Variants in ARHGAP18 observed in about 807,000 individuals in gnomAD.
ARHGAP18 encodes rho GTPase-activating protein 18.
A neutral mutation model predicts 86.2 loss-of-function variants in ARHGAP18; 67 were observed. That is an observed-to-expected ratio of 0.78 (90% CI 0.64 to 0.95). ARHGAP18 has a LOEUF of 0.95. ARHGAP18 is among the 40% of genes least tolerant of loss of function. ARHGAP18 has a pLI of 0.00. For synonymous variants in ARHGAP18, 283 were observed against 280.4 expected (o/e 1.01, Z -0.09); for missense variants, 691 against 780.4 (o/e 0.89, Z 1.37).
chr6:129,634,162 T>C, intron 3 of ARHGAP18, 57 bp from the exon 4 acceptor site: 1 of 1,461,244 alleles, frequency 6.8e-7, no homozygotes, highest in Non-Finnish European at 9.5e-7. Context: ...GAGAAAATGG[T>C]ACTGTAAATA....
intron 1 of ARHGAP18, among the ~76,000 whole-genome samples, chr6:129,662,908 G>A (rs887354890): frequency 6.6e-6 from 1 of 152,180 alleles, no homozygotes; most frequent in Non-Finnish European, 1.5e-5. Context: ...CATTTGAAAT[G>A]TAAATGTTAA....
chr6:129,596,917 A>G (rs1376888747), intron 12 of ARHGAP18: 3 of 152,208 alleles, frequency 2.0e-5, no homozygotes, highest in Admixed American at 6.5e-5. Flanking sequence ...TCCATTTGTC[A>G]TTAAGACGGT....
At position 129,584,065 on chromosome 6, in the gene ARHGAP18, C is replaced by G; in HGVS notation, c.1761G>C (p.Ser587=). ...TTAGCTGTATTGCCATGGAAACTTTCGAAAGATGGGGAGCTTGCACTCGAA... is the reference window on the plus strand; with the variant it reads ...TTAGCTGTATTGCCATGGAAACTTTGGAAAGATGGGGAGCTTGCACTCGAA... The part of the protein sequence containing the change: ...GVIRVQAPHL[S]KVSMAIQLTE... The change falls in exon 13 of 15, where the codon TCG becomes TCC. Residue 587 remains serine, a synonymous_variant. Transcript: ENST00000368149. 6.2e-7 allele frequency: 1 copy of G among 1,613,690 alleles called. No homozygotes were observed. The highest frequency in any genetic ancestry group is 8.5e-7 in the Non-Finnish European group (1 of 1,179,816).
chr6:129,633,241 A>C (rs1483649067), intron 4 of ARHGAP18, among the ~76,000 whole-genome samples: 1 of 148,506 alleles, frequency 6.7e-6, no homozygotes, highest in Non-Finnish European at 1.5e-5. Flanking sequence ...CAGCCTCGCC[A>C]ACATGGTGAA....
chr6:129,703,305 G>A (rs1246144634), intron 1 of ARHGAP18, among the ~76,000 whole-genome samples: 1 of 152,170 alleles, frequency 6.6e-6, no homozygotes, highest in Non-Finnish European at 1.5e-5. Flanking sequence ...TGCATCAATT[G>A]TTACGAGTCT....
intron 10 of ARHGAP18, 83 bp downstream of exon 10, chr6:129,605,794 A>C: frequency 8.1e-7 from 1 of 1,239,658 alleles, no homozygotes; most frequent in Non-Finnish European, 1.2e-6. Flanking sequence ...TCCAAGATAC[A>C]CATCTTATTG....
intron 12 of ARHGAP18, among the ~76,000 whole-genome samples, chr6:129,591,833 T>C (rs1178173438): frequency 6.6e-6 from 1 of 152,216 alleles, no homozygotes; most frequent in East Asian, 1.9e-4. Context: ...ACACATATTT[T>C]AGAAAATTAA....
chr6:129,703,288 C>T (rs939188243), intron 1 of ARHGAP18, among the ~76,000 whole-genome samples: 1 of 152,232 alleles, frequency 6.6e-6, no homozygotes, highest in African/African-American at 2.4e-5. Flanking sequence ...TCATGTGCAT[C>T]ATTAAATGCA....
rs542755083 is a variant in ARHGAP18 at position 129,666,580 on chromosome 6, T to A, written c.114-24562A>T. Among the ~76,000 whole-genome samples the A allele has an allele frequency of 2.6e-5, 4 of 152,294 alleles. No homozygotes were observed. In the South Asian group the frequency reaches 8.3e-4, roughly 32 times the overall value. On this transcript the variant is annotated intron_variant, in intron 1 of 14. Coordinates refer to ENST00000368149, the MANE Select transcript of ARHGAP18 (RefSeq NM_033515.3). ...AATGCCCCTGGCCCTCTCCACACCG[T>A]TCAGCCACATCCTGGAGGCCCCCAC... is the stretch of plus-strand genomic sequence containing the variant.
chr6:129,607,776 G>T, intron 9 of ARHGAP18, 117 bp downstream of exon 9: 1 of 1,151,774 alleles, frequency 8.7e-7, no homozygotes, highest in Non-Finnish European at 1.2e-6. Context: ...CATCAGTTGA[G>T]TCAATATGTC....
intron 1 of ARHGAP18, among the ~76,000 whole-genome samples, chr6:129,658,009 T>C (rs9375651): frequency 0.3 from 45,086 of 152,056 alleles, 6,640 homozygotes; most frequent in Admixed American, 0.31. Context: ...ATACTAATGT[T>C]TCCAGAAAAA....
At chr6:129,591,654 A>C (rs10499161) in intron 12 of ARHGAP18, among the ~76,000 whole-genome samples, 2 of 151,978 alleles carry the variant, frequency 1.3e-5, no homozygotes, top group Non-Finnish European at 2.9e-5. Context: ...ATATTTTTGC[A>C]CTCTAGAGAT....
rs73776351 is a variant in ARHGAP18 at position 129,656,783 on chromosome 6, T to C, written c.114-14765A>G. Among the ~76,000 whole-genome samples the C allele has an allele frequency of 8.5e-3, 1,290 of 152,342 alleles. 18 individuals carry two copies. Among genetic ancestry groups the C allele is most frequent in the African/African-American group, 0.03 (1,252 of 41,572 alleles). On this transcript the variant is annotated intron_variant, in intron 1 of 14. Coordinates refer to ENST00000368149, the MANE Select transcript of ARHGAP18 (RefSeq NM_033515.3). ...CCAGAGCCAACAGTGTCTTGTTTGA[T>C]TCAATTTTATTTCCCTCTAACTTAA...
intron 1 of ARHGAP18, among the ~76,000 whole-genome samples, chr6:129,651,122 A>G (rs528077472): frequency 5.3e-5 from 8 of 152,304 alleles, no homozygotes; most frequent in African/African-American, 1.9e-4. Context: ...TGCCTCTAAA[A>G]TAATTTCTAA....
intron 1 of ARHGAP18, among the ~76,000 whole-genome samples, chr6:129,705,434 C>A (rs908607048): frequency 6.6e-6 from 1 of 152,048 alleles, no homozygotes; most frequent in African/African-American, 2.4e-5. Context: ...ACCTCAATGC[C>A]CATCAATACC....
At chr6:129,698,181 G>T (rs544072380) in intron 1 of ARHGAP18, among the ~76,000 whole-genome samples, 2 of 152,176 alleles carry the variant, frequency 1.3e-5, no homozygotes, top group East Asian at 3.9e-4. Context: ...GCAGGAATTT[G>T]TACACTTATT....
chr6:129,591,330 C>CT (rs74319038), intron 12 of ARHGAP18, among the ~76,000 whole-genome samples: 25 of 151,956 alleles, frequency 1.6e-4, no homozygotes, highest in East Asian at 1.2e-3. Flanking sequence ...CTGTCTCCTG[C>CT]TTTTTTTTCC....
chr6:129,648,374 G>A (rs1363383572), intron 1 of ARHGAP18, among the ~76,000 whole-genome samples: 2 of 151,852 alleles, frequency 1.3e-5, no homozygotes, highest in East Asian at 2.0e-4. Context: ...GTATTGCCAA[G>A]GCTGGTCTGG....
intron 9 of ARHGAP18, 124 bp from the exon 10 acceptor site, chr6:129,606,083 C>T (rs191563044): frequency 4.0e-5 from 33 of 824,652 alleles, no homozygotes; most frequent in South Asian, 9.4e-5. Context: ...TAAGACACAA[C>T]GACTGAGCTG....
Sources: gnomAD v4.1 joint callset for allele counts (sites outside exome capture counted in the v4.1 genomes callset) on GRCh38, gnomAD v4.1.1 for gene constraint, MANE v1.5 for transcripts, NCBI Gene and HGNC (gene_info 2026-07-23, HGNC 2026-07-21) for gene names.